FHL2: variants seen among roughly 807,000 people sequenced by gnomAD.
The protein encoded by FHL2 is four and a half LIM domains 2.
In FHL2, 20 loss-of-function variants were observed where a neutral mutation model predicts 32.7. That is an observed-to-expected ratio of 0.61 (90% CI 0.43 to 0.89). The LOEUF is 0.89. Among genes scored for constraint, FHL2 ranks in the 40% least tolerant of loss-of-function variants. The probability of loss-of-function intolerance (pLI) is 0.00; values close to 1 mark genes in which losing one functional copy is unlikely to be tolerated. For synonymous variants in FHL2, 123 were observed against 128.1 expected (o/e 0.96, Z 0.27); for missense variants, 311 against 358.6 (o/e 0.87, Z 1.07).
intron 4 of FHL2, among the ~76,000 whole-genome samples, chr2:105,370,494 C>A (rs1271682974): frequency 6.6e-6 from 1 of 151,970 alleles, no homozygotes; most frequent in East Asian, 1.9e-4. Flanking sequence ...CTAATAGGGG[C>A]GCGAGAGCCG....
upstream of FHL2, among the ~76,000 whole-genome samples, chr2:105,402,235 A>ATG (rs897787727): frequency 1.1e-3 from 153 of 141,200 alleles, no homozygotes; most frequent in African/African-American, 4.1e-3. Context: ...GTATATATAT[A>ATG]TGTGTGTGTG....
intron 1 of FHL2, among the ~76,000 whole-genome samples, chr2:105,411,892 T>A (rs926373006): frequency 1.3e-5 from 2 of 152,018 alleles, no homozygotes; most frequent in African/African-American, 4.8e-5. Context: ...AGGGAAACTA[T>A]TGAGCAGAAA....
chr2:105,399,430 G>A, upstream of FHL2: 1 of 1,536,214 alleles, frequency 6.5e-7, no homozygotes, highest in South Asian at 1.2e-5. Flanking sequence ...GGGAGGCGGA[G>A]GGAGGAGGGG....
At position 105,393,959 on chromosome 2, in the gene FHL2, C is replaced by T. The variant is rs368078638; in HGVS notation, c.-25+2688G>A. On this transcript the variant is annotated intron_variant, in intron 2 of 6. Transcript: ENST00000530340. ...AAGAAGCAAAAAGCCAGCTGGGAGT[C>T]GTGCCCACTTTGGGAAGAACGCACA... 3.2e-4 allele frequency among the ~76,000 whole-genome samples: 49 copies of T among 152,264 alleles called. No homozygotes were observed. In the South Asian group the frequency reaches 9.5e-3, roughly 30 times the overall value.
chr2:105,374,866 G>T (rs1681351726), intron 3 of FHL2, among the ~76,000 whole-genome samples: 1 of 152,158 alleles, frequency 6.6e-6, no homozygotes, highest in South Asian at 2.1e-4. Context: ...TATACATGAG[G>T]CAGAAACAGA....
intron 1 of FHL2, among the ~76,000 whole-genome samples, chr2:105,428,487 G>A (rs544149673): frequency 3.9e-5 from 6 of 152,264 alleles, no homozygotes; most frequent in East Asian, 1.9e-4. Flanking sequence ...AATTACCTTC[G>A]GGATCTTTCC....
intron 6 of FHL2, among the ~76,000 whole-genome samples, chr2:105,362,482 A>G (rs1300882543): frequency 6.6e-6 from 1 of 152,206 alleles, no homozygotes; most frequent in African/African-American, 2.4e-5. Flanking sequence ...TACACTGAAA[A>G]GCCACACAGG....
At chr2:105,371,443 T>C (rs1209475009) in intron 4 of FHL2, among the ~76,000 whole-genome samples, 1 of 151,982 alleles carries the variant, frequency 6.6e-6, no homozygotes, top group Non-Finnish European at 1.5e-5. Context: ...ATGCTCCCAT[T>C]TGGAACTGCA....
At chr2:105,417,241 G>A (rs571262905) in intron 1 of FHL2, among the ~76,000 whole-genome samples, 1 of 152,246 alleles carries the variant, frequency 6.6e-6, no homozygotes, top group Non-Finnish European at 1.5e-5. Context: ...AATTAGCTGG[G>A]CATGGTGGCA....
chr2:105,399,384 G>A (rs1196577107), upstream of FHL2: 7 of 1,536,096 alleles, frequency 4.6e-6, no homozygotes, highest in Non-Finnish European at 6.1e-6. Flanking sequence ...CCTGGTCCCA[G>A]GAGCGGGAGA....
chr2:105,407,798 C>A (rs1056232530), intron 1 of FHL2, among the ~76,000 whole-genome samples: 1 of 152,118 alleles, frequency 6.6e-6, no homozygotes, highest in African/African-American at 2.4e-5. Flanking sequence ...ATCCTCCCCC[C>A]GCTGCCACCA....
At chr2:105,411,538 GTTTTTTTTTTTT>G (rs9308884) in intron 1 of FHL2, among the ~76,000 whole-genome samples, 1 of 81,150 alleles carries the variant, frequency 1.2e-5, no homozygotes, top group Non-Finnish European at 2.2e-5. Flanking sequence ...TGAACTTAGG[GTTTTTTTTTTTT>G]TTTTTTTTTT....
At chr2:105,387,328 G>A (rs919404057) in intron 2 of FHL2, among the ~76,000 whole-genome samples, 2 of 152,144 alleles carry the variant, frequency 1.3e-5, no homozygotes, top group Admixed American at 6.5e-5. Flanking sequence ...AAAAGGGAGG[G>A]AGATCTGACC....
intron 1 of FHL2, among the ~76,000 whole-genome samples, chr2:105,437,769 C>A (rs1443476369): frequency 1.3e-5 from 2 of 152,184 alleles, no homozygotes; most frequent in East Asian, 3.8e-4. Context: ...TTACTCAGGA[C>A]TGTGCATTTT....
chr2:105,367,745 A>T lies in FHL2; in HGVS notation c.332-6T>A, dbSNP rs754744445. The stretch of plus-strand genomic sequence containing the variant: ...GTACTCCATCTTGCGGGTACCTGTC[A>T]TCAGGGTCAAGAGGAACACAGCAGA... On this transcript the variant is annotated splice_polypyrimidine_tract_variant and splice_region_variant and intron_variant, in intron 4 of 6. Transcript: ENST00000530340. 6.2e-5 allele frequency: 100 copies of T among 1,612,592 alleles called. No individual in the cohort carries two copies. The highest frequency in any genetic ancestry group is 8.2e-5 in the Non-Finnish European group (97 of 1,179,250).
chr2:105,406,176 A>G (rs1683625598), intron 1 of FHL2, among the ~76,000 whole-genome samples: 1 of 152,222 alleles, frequency 6.6e-6, no homozygotes, highest in Non-Finnish European at 1.5e-5. Context: ...TTGACTGCTG[A>G]AGTACCAGAA....
At chr2:105,436,254 C>A (rs1274419534) in intron 1 of FHL2, among the ~76,000 whole-genome samples, 4 of 151,988 alleles carry the variant, frequency 2.6e-5, no homozygotes, top group Non-Finnish European at 5.9e-5. Context: ...CAGATCAAGG[C>A]GCAAGGTGGT....
chr2:105,404,927 C>T (rs745637971), intron 1 of FHL2, among the ~76,000 whole-genome samples: 8 of 152,166 alleles, frequency 5.3e-5, no homozygotes, highest in Non-Finnish European at 7.3e-5. Flanking sequence ...TCCATGATTC[C>T]GAGTTTCCCA....
chr2:105,429,136 A>G (rs1446394492), intron 1 of FHL2, among the ~76,000 whole-genome samples: 2 of 152,000 alleles, frequency 1.3e-5, no homozygotes, highest in African/African-American at 4.8e-5. Context: ...AGAGGTTTCC[A>G]CCCTCCCTCC....
Sources: allele counts gnomAD v4.1 joint callset (sites outside exome capture counted in the v4.1 genomes callset), GRCh38; gene constraint gnomAD v4.1.1; transcripts MANE v1.5; gene names NCBI Gene and HGNC (gene_info 2026-07-23, HGNC 2026-07-21).